Variants in SCARA5 observed in about 807,000 individuals in gnomAD.
SCARA5 encodes scavenger receptor class A member 5, also known as scavenger receptor class A, member 5 (putative).
SCARA5 carries 45 observed loss-of-function variants against 46.3 expected under a neutral mutation model. That is an observed-to-expected ratio of 0.97 (90% CI 0.76 to 1.24). SCARA5 has a LOEUF of 1.24. SCARA5 is among the 50% of genes most tolerant of loss of function. SCARA5 has a pLI of 0.00. For synonymous variants in SCARA5, 333 were observed against 306.5 expected, an observed-to-expected ratio of 1.09 and a Z score of -0.90; for missense variants, 680 against 689.0, an observed-to-expected ratio of 0.99 and a Z score of 0.15.
intron 4 of SCARA5, among the ~76,000 whole-genome samples, chr8:27,910,880 C>A (rs1807362326): frequency 1.3e-5 from 2 of 152,210 alleles, no homozygotes; most frequent in African/African-American, 4.8e-5. Context: ...GGGATTCTGT[C>A]ATACATGATT....
chr8:27,884,104 C>A (rs1326926089), intron 7 of SCARA5, among the ~76,000 whole-genome samples: 1 of 152,124 alleles, frequency 6.6e-6, no homozygotes, highest in Non-Finnish European at 1.5e-5. Context: ...GCGACCCCAA[C>A]CCCAGGAATG....
chr8:27,907,809 A>T (rs937745437), intron 5 of SCARA5, among the ~76,000 whole-genome samples: 1 of 152,108 alleles, frequency 6.6e-6, no homozygotes, highest in South Asian at 2.1e-4. Context: ...TCCTCAAGTG[A>T]TCTGCCTGCC....
intron 3 of SCARA5, among the ~76,000 whole-genome samples, chr8:27,961,262 T>C (rs1273977578): frequency 6.6e-6 from 1 of 152,196 alleles, no homozygotes; most frequent in Non-Finnish European, 1.5e-5. Flanking sequence ...ATGAATGTCT[T>C]GGCATCCCCC....
intron 8 of SCARA5, among the ~76,000 whole-genome samples, chr8:27,878,323 A>G (rs543580702): frequency 5.0e-4 from 76 of 152,340 alleles, no homozygotes; most frequent in Non-Finnish European, 8.7e-4. Flanking sequence ...TGCAGAAGCA[A>G]CAGGGCCAGG....
At chr8:27,914,515 T>C (rs1208219780) in intron 4 of SCARA5, among the ~76,000 whole-genome samples, 1 of 152,248 alleles carries the variant, frequency 6.6e-6, no homozygotes, top group East Asian at 1.9e-4. Context: ...CAGAACCTTC[T>C]GTAGGGCACT....
At chr8:27,874,713 C>A (rs1301310407) in intron 8 of SCARA5, among the ~76,000 whole-genome samples, 1 of 152,250 alleles carries the variant, frequency 6.6e-6, no homozygotes, top group Non-Finnish European at 1.5e-5. Context: ...GGTAATAATG[C>A]AATAATTAGA....
chr8:27,914,568 A>T (rs1807431132), intron 4 of SCARA5, among the ~76,000 whole-genome samples: 2 of 152,256 alleles, frequency 1.3e-5, no homozygotes, highest in African/African-American at 4.8e-5. Context: ...AACAATCAGG[A>T]TCTGAAGAAT....
intron 3 of SCARA5, among the ~76,000 whole-genome samples, chr8:27,947,977 G>A (rs550795276): frequency 3.3e-5 from 5 of 152,294 alleles, no homozygotes; most frequent in Admixed American, 1.3e-4. Flanking sequence ...GCCAGGGGCT[G>A]GGGGAATGAG....
intron 7 of SCARA5, among the ~76,000 whole-genome samples, chr8:27,898,701 G>A (rs1294930208): frequency 7.9e-5 from 12 of 152,156 alleles, no homozygotes; most frequent in Admixed American, 6.5e-4. Flanking sequence ...GGGTGGGATC[G>A]AAGGATGAGG....
At chr8:27,891,277 C>T (rs1806978091) in intron 7 of SCARA5, among the ~76,000 whole-genome samples, 1 of 151,474 alleles carries the variant, frequency 6.6e-6, no homozygotes, top group African/African-American at 2.4e-5. Context: ...ACAATCTCGG[C>T]TCACTGCAAC....
rs1165209051 is a variant in SCARA5, at chr8:27,953,806, G to T, written c.241+12608C>A. 5.9e-5 allele frequency among the ~76,000 whole-genome samples: 9 copies of T among 152,214 alleles called. 1 individual carries two copies. The South Asian group carries it at 1.9e-3, about 32-fold the overall frequency. On this transcript the variant is annotated intron_variant, in intron 3 of 8. Transcript: ENST00000354914. Reference sequence around the variant, plus strand: ...TAGAAAAACATTGTATGGGAAATTTGGAGCATCTGAATAGTGAGTTTACAC... The same window carrying T: ...TAGAAAAACATTGTATGGGAAATTTTGAGCATCTGAATAGTGAGTTTACAC...
At chr8:27,932,893 A>G in intron 3 of SCARA5, among the ~76,000 whole-genome samples, 1 of 152,094 alleles carries the variant, frequency 6.6e-6, no homozygotes, top group African/African-American at 2.4e-5. Flanking sequence ...GGCCTCCCAA[A>G]ATGCTGGGAT....
chr8:27,949,500 T>C (rs1808089037), intron 3 of SCARA5, among the ~76,000 whole-genome samples: 1 of 151,808 alleles, frequency 6.6e-6, no homozygotes, highest in African/African-American at 2.4e-5. Context: ...AAGGGTGGAG[T>C]TGGGTGAGGT....
chr8:27,911,614 C>G (rs1040491155), intron 4 of SCARA5, among the ~76,000 whole-genome samples: 1 of 152,132 alleles, frequency 6.6e-6, no homozygotes, highest in Non-Finnish European at 1.5e-5. Flanking sequence ...TCGCCTGAAT[C>G]CGGGAGGCAG....
intron 3 of SCARA5, among the ~76,000 whole-genome samples, chr8:27,957,114 G>A (rs986583590): frequency 3.9e-5 from 6 of 152,168 alleles, no homozygotes; most frequent in Admixed American, 1.3e-4. Flanking sequence ...GTGCAAAGCT[G>A]CAGAAGGAAG....
intron 3 of SCARA5, among the ~76,000 whole-genome samples, chr8:27,935,174 C>G (rs1807834416): frequency 1.3e-5 from 2 of 152,244 alleles, no homozygotes; most frequent in African/African-American, 2.4e-5. Context: ...ACCCGGGAGA[C>G]AGTACAATTC....
chr8:27,966,113 AG>A (rs1387391222), intron 3 of SCARA5, among the ~76,000 whole-genome samples: 16 of 152,158 alleles, frequency 1.1e-4, no homozygotes, highest in African/African-American at 3.6e-4. Context: ...CATACCCCAG[AG>A]GCCCAGGGAG....
At position 27,922,071 on chromosome 8, in the gene SCARA5, A is replaced by G. The variant is rs1017247569; in HGVS notation, c.416T>C (p.Leu139Ser). ...CTGCACTGCGCCCGCCAGCGCCAGC[A>G]ACGAGTCTGACTGGTTCTGCAGCGC... is the stretch of plus-strand genomic sequence containing the variant. ...QDALQNQSDS[L>S]LALAGAVQRL... The change falls in exon 4 of 9, where the codon TTG becomes TCG. Residue 139 changes from leucine (L) to serine (S), a missense_variant. This residue lies in a region of SCARA5 where 438 missense variants were observed against 384.5 expected (regional missense o/e 1.14). Coordinates refer to ENST00000354914, the MANE Select transcript of SCARA5 (RefSeq NM_173833.6). 1.3e-5 allele frequency: 21 copies of G among 1,595,606 alleles called. No homozygotes were observed. The highest frequency in any genetic ancestry group is 1.8e-5 in the Non-Finnish European group (21 of 1,173,420).
intron 2 of SCARA5, among the ~76,000 whole-genome samples, chr8:27,978,719 C>T (rs763999315): frequency 2.6e-5 from 4 of 152,098 alleles, no homozygotes; most frequent in Admixed American, 1.3e-4. Context: ...CTGTGTTGCT[C>T]AGGCTGGTCT....
Sources: allele counts gnomAD v4.1 joint callset (sites outside exome capture counted in the v4.1 genomes callset), GRCh38; gene constraint gnomAD v4.1.1; regional missense constraint gnomAD v4.1.1; transcripts MANE v1.5; gene names NCBI Gene and HGNC (gene_info 2026-07-23, HGNC 2026-07-21).